RNGTT: variants seen among roughly 807,000 people sequenced by gnomAD.
RNGTT encodes the protein mRNA-capping enzyme.
A neutral mutation model predicts 79.3 loss-of-function variants in RNGTT; 33 were observed. The ratio of observed to expected loss-of-function variants is 0.42; its 90% CI spans 0.32 to 0.56. RNGTT has a LOEUF of 0.56. Among genes scored for constraint, RNGTT ranks in the 20% least tolerant of loss-of-function variants. The pLI, the probability that RNGTT is intolerant of heterozygous loss-of-function variation, is 0.17. For synonymous variants in RNGTT, 222 were observed against 235.9 expected, an observed-to-expected ratio of 0.94 and a Z score of 0.54; for missense variants, 497 against 739.1, an observed-to-expected ratio of 0.67 and a Z score of 3.80.
At chr6:88,891,749 A>G (rs943479544) in intron 7 of RNGTT, 57 bp downstream of exon 7, 2 of 1,078,580 alleles carry the variant, frequency 1.9e-6, no homozygotes, top group African/African-American at 3.3e-5. Context: ...CAATGCTTGT[A>G]TTAAGTGTTG....
intron 11 of RNGTT, among the ~76,000 whole-genome samples, chr6:88,804,111 A>T (rs1779882074): frequency 6.6e-6 from 1 of 152,142 alleles, no homozygotes; most frequent in African/African-American, 2.4e-5. Context: ...TCCTCATGAG[A>T]TGTGTATTCT....
intron 14 of RNGTT, among the ~76,000 whole-genome samples, chr6:88,649,652 G>A (rs1371653637): frequency 9.9e-5 from 15 of 152,052 alleles, no homozygotes; most frequent in African/African-American, 2.7e-4. Flanking sequence ...AGCCGAGATC[G>A]CGCCACTGCA....
At chr6:88,905,272 T>A (rs556682108) in intron 5 of RNGTT, among the ~76,000 whole-genome samples, 1 of 152,190 alleles carries the variant, frequency 6.6e-6, no homozygotes, top group East Asian at 1.9e-4. Context: ...AAAACATCAG[T>A]CAAAAAAACA....
intron 13 of RNGTT, among the ~76,000 whole-genome samples, chr6:88,763,536 T>C (rs1778341880): frequency 6.6e-6 from 1 of 152,184 alleles, no homozygotes; most frequent in South Asian, 2.1e-4. Flanking sequence ...CTCTCACTTG[T>C]TATCGTCTTT....
chr6:88,732,529 C>G (rs1464369727), intron 13 of RNGTT, among the ~76,000 whole-genome samples: 1 of 152,188 alleles, frequency 6.6e-6, no homozygotes, highest in Non-Finnish European at 1.5e-5. Context: ...TAACTAAAAA[C>G]TGTGTGTTAA....
rs1414015439 is a variant in RNGTT at position 88,611,081 on chromosome 6, G to A, written c.*1638C>T. The stretch of plus-strand genomic sequence containing the variant: ...GTGCAAAAACACTCTAGTAAAAAAC[G>A]TTACAATGGCGTTTTGGATAAATTC... On this transcript the variant is annotated 3_prime_UTR_variant, in exon 16 of 16. Coordinates refer to ENST00000369485, the MANE Select transcript of RNGTT (RefSeq NM_003800.5). 6 of 152,060 alleles carry A rather than the reference G, an allele frequency of 3.9e-5. No homozygotes were observed. In the South Asian group the frequency reaches 1.0e-3, roughly 26 times the overall value. 9.4% of individuals were successfully genotyped at this position (152,060 alleles called of 1,614,324 possible).
chr6:88,948,198 C>CT (rs1785090194), intron 1 of RNGTT, among the ~76,000 whole-genome samples: 1 of 22,806 alleles, frequency 4.4e-5, no homozygotes, highest in African/African-American at 2.3e-4. Flanking sequence ...TCAGCCCCCC[C>CT]GCCCGGCCAG....
At chr6:88,837,274 G>A (rs1244934312) in intron 11 of RNGTT, among the ~76,000 whole-genome samples, 2 of 151,998 alleles carry the variant, frequency 1.3e-5, no homozygotes, top group African/African-American at 4.8e-5. Flanking sequence ...GCACGTGCCT[G>A]TAGTCCCAGC....
intron 14 of RNGTT, among the ~76,000 whole-genome samples, chr6:88,620,205 G>A (rs1772392138): frequency 6.6e-6 from 1 of 152,182 alleles, no homozygotes; most frequent in Admixed American, 6.5e-5. Context: ...GAATGGTGGT[G>A]TCTTCATGCC....
At chr6:88,674,947 A>C (rs1029350207) in intron 14 of RNGTT, among the ~76,000 whole-genome samples, 1 of 151,874 alleles carries the variant, frequency 6.6e-6, no homozygotes. Context: ...AAATACAAAA[A>C]ATTAGCCAGG....
intron 14 of RNGTT, among the ~76,000 whole-genome samples, chr6:88,635,079 T>C (rs913635527): frequency 1.3e-5 from 2 of 151,998 alleles, no homozygotes; most frequent in Non-Finnish European, 2.9e-5. Context: ...CACTCCTTTT[T>C]CCATTCTTTT....
At chr6:88,675,689 A>G (rs1287461465) in intron 14 of RNGTT, among the ~76,000 whole-genome samples, 2 of 142,308 alleles carry the variant, frequency 1.4e-5, no homozygotes, top group Non-Finnish European at 3.0e-5. Context: ...TAGAGTTTAA[A>G]GCCAATACAT....
intron 13 of RNGTT, among the ~76,000 whole-genome samples, chr6:88,702,013 G>A (rs925546240): frequency 6.6e-6 from 1 of 152,002 alleles, no homozygotes; most frequent in Non-Finnish European, 1.5e-5. Context: ...TAACTAAGGA[G>A]GTGACAGGTC....
chr6:88,935,568 A>T (rs1784640831), intron 2 of RNGTT, among the ~76,000 whole-genome samples: 1 of 152,170 alleles, frequency 6.6e-6, no homozygotes, highest in South Asian at 2.1e-4. Flanking sequence ...TTTTTTTAAT[A>T]AAATTAAAAA....
At chr6:88,710,651 T>C (rs1015497115) in intron 13 of RNGTT, among the ~76,000 whole-genome samples, 5 of 152,180 alleles carry the variant, frequency 3.3e-5, no homozygotes, top group African/African-American at 9.6e-5. Flanking sequence ...AAAGGCCACA[T>C]TTCCATTGAA....
intron 12 of RNGTT, among the ~76,000 whole-genome samples, chr6:88,791,140 CT>C (rs66559856): frequency 0.65 from 78,126 of 120,730 alleles, 23,204 homozygotes; most frequent in South Asian, 0.81. Flanking sequence ...TCACAAGTAC[CT>C]TTTTTTTTTT....
At chr6:88,754,111 T>C (rs1009849829) in intron 13 of RNGTT, among the ~76,000 whole-genome samples, 3 of 152,138 alleles carry the variant, frequency 2.0e-5, no homozygotes, top group Non-Finnish European at 4.4e-5. Flanking sequence ...TTAAGGATCC[T>C]AGGAAGATGA....
intron 14 of RNGTT, among the ~76,000 whole-genome samples, chr6:88,667,848 A>T (rs1438553533): frequency 6.6e-6 from 1 of 152,138 alleles, no homozygotes; most frequent in Non-Finnish European, 1.5e-5. Flanking sequence ...TGTGTCAAGA[A>T]ACAGGATTAG....
chr6:88,961,211 T>C (rs1344577453), intron 1 of RNGTT, among the ~76,000 whole-genome samples: 1 of 152,190 alleles, frequency 6.6e-6, no homozygotes, highest in Admixed American at 6.5e-5. Flanking sequence ...TTCCAAGTTC[T>C]TCCATTTTGG....
Sources: gnomAD v4.1 joint callset for allele counts (sites outside exome capture counted in the v4.1 genomes callset) on GRCh38, gnomAD v4.1.1 for gene constraint, MANE v1.5 for transcripts, NCBI Gene and HGNC (gene_info 2026-07-23, HGNC 2026-07-21) for gene names.